PCDH11Y: variants seen among roughly 807,000 people sequenced by gnomAD.
PCDH11Y encodes protocadherin 11 Y-linked, also known as protocadherin-11 Y-linked.
For missense variants in PCDH11Y, 12 were observed against 224.8 expected, an observed-to-expected ratio of 0.05 and a Z score of 6.05; for synonymous variants, 9 against 83.6, an observed-to-expected ratio of 0.11 and a Z score of 4.87.
rs2053446322 is a variant in PCDH11Y at position 5,576,642 on chromosome Y, T to C, written c.3329-5133T>C. On this transcript the variant is annotated intron_variant, in intron 3 of 4. Transcript: ENST00000400457. ...TTAGCAAAAAGGAACAATTATATTC[T>C]ATTTCTCTTAAGGACTAAGTTAATT... Among the ~76,000 whole-genome samples, 44 of 33,631 alleles carry C rather than the reference T, an allele frequency of 1.3e-3. No individual in the cohort carries two copies. In the South Asian group the frequency reaches 0.029, roughly 22 times the overall value. 90.2% of individuals were successfully genotyped at this position (33,631 alleles called of 37,273 possible).
intron 4 of PCDH11Y, among the ~76,000 whole-genome samples, chrY:5,687,580 G>A: frequency 3.6e-5 from 1 of 27,662 alleles, no homozygotes; most frequent in South Asian, 9.4e-4. Flanking sequence ...CTCCAGCCTG[G>A]GCGACAGAGT....
At chrY:5,398,756 T>C (rs2053229572) in intron 2 of PCDH11Y, among the ~76,000 whole-genome samples, 4 of 34,076 alleles carry the variant, frequency 1.2e-4, no homozygotes, top group Non-Finnish European at 2.2e-4. Flanking sequence ...TTTAATCCAC[T>C]GTTAATCAGC....
At chrY:5,717,546 A>G (rs1602963558) in intron 4 of PCDH11Y, among the ~76,000 whole-genome samples, 1 of 34,094 alleles carries the variant, frequency 2.9e-5, no homozygotes, top group East Asian at 7.9e-4. Context: ...TAAAACTACA[A>G]TGAGATATCA....
intron 2 of PCDH11Y, among the ~76,000 whole-genome samples, chrY:5,477,595 C>T: frequency 6.4e-5 from 2 of 31,224 alleles, no homozygotes; most frequent in Non-Finnish European, 1.6e-4. Flanking sequence ...GTAGTGGTTC[C>T]TTTTTGTACC....
At chrY:5,373,784 GT>G (rs2053194962) in intron 2 of PCDH11Y, among the ~76,000 whole-genome samples, 1 of 28,422 alleles carries the variant, frequency 3.5e-5, no homozygotes, top group African/African-American at 1.4e-4. Flanking sequence ...ACACATAAAT[GT>G]TTTTTGGAGT....
At chrY:5,644,064 T>C in intron 4 of PCDH11Y, among the ~76,000 whole-genome samples, 1 of 32,877 alleles carries the variant, frequency 3.0e-5, no homozygotes, top group Non-Finnish European at 7.5e-5. Context: ...GTACAGGGCA[T>C]GTGCTTGTGT....
intron 4 of PCDH11Y, among the ~76,000 whole-genome samples, chrY:5,612,179 G>A: frequency 3.1e-5 from 1 of 32,518 alleles, no homozygotes; most frequent in South Asian, 7.0e-4. Flanking sequence ...GTTCCTATTC[G>A]GCCATCTTGG....
intron 1 of PCDH11Y, among the ~76,000 whole-genome samples, chrY:5,006,204 T>C (rs2052539119): frequency 3.5e-5 from 1 of 28,498 alleles, no homozygotes; most frequent in Non-Finnish European, 8.3e-5. Flanking sequence ...TGAAATTCTT[T>C]CTTATTTTTA....
intron 4 of PCDH11Y, among the ~76,000 whole-genome samples, chrY:5,619,142 T>C: frequency 3.1e-5 from 1 of 32,752 alleles, no homozygotes; most frequent in Non-Finnish European, 7.5e-5. Flanking sequence ...CTGGTCACTG[T>C]ACTGTAAATA....
intron 2 of PCDH11Y, among the ~76,000 whole-genome samples, chrY:5,236,090 T>C (rs2052974914): frequency 3.0e-5 from 1 of 33,840 alleles, no homozygotes; most frequent in Non-Finnish European, 7.3e-5. Context: ...CTTGACCAAC[T>C]GTCTTATTTC....
Position 5,565,979 on chromosome Y carries a change from GT to G in PCDH11Y, c.3329-15783del, listed in dbSNP as rs1470139323. 3.6e-4 allele frequency among the ~76,000 whole-genome samples: 7 copies of G among 19,496 alleles called. No individual in the cohort carries two copies. The East Asian group carries it at 3.7e-3, about 10-fold the overall frequency. 52.3% of individuals were successfully genotyped at this position (19,496 alleles called of 37,273 possible). A position where few individuals can be genotyped will look rare whatever the true frequency, so the allele number is the denominator to read the frequency against. On this transcript the variant is annotated intron_variant, in intron 3 of 4. Coordinates refer to the PCDH11Y transcript ENST00000400457. ...ATATATATAATATATATATATATAT[GT>G]TTTTTTTTTTTTGAGATGGAGTCTT...
intron 2 of PCDH11Y, among the ~76,000 whole-genome samples, chrY:5,348,884 C>G (rs2124669985): frequency 3.0e-5 from 1 of 32,832 alleles, no homozygotes; most frequent in African/African-American, 1.2e-4. Flanking sequence ...AATCCCAGCA[C>G]TTTGGCAGGC....
At chrY:5,530,514 T>A (rs1602938693) in intron 3 of PCDH11Y, among the ~76,000 whole-genome samples, 2 of 32,993 alleles carry the variant, frequency 6.1e-5, no homozygotes, top group Non-Finnish European at 1.5e-4. Context: ...TATTTTTTTT[T>A]ATTTCTGTTT....
chrY:5,127,347 A>G (rs2052826652), intron 2 of PCDH11Y, among the ~76,000 whole-genome samples: 1 of 31,951 alleles, frequency 3.1e-5, no homozygotes, highest in African/African-American at 1.2e-4. Context: ...CTGGGACTAC[A>G]GGTGTGCACC....
At chrY:5,472,360 G>A in intron 2 of PCDH11Y, among the ~76,000 whole-genome samples, 1 of 31,381 alleles carries the variant, frequency 3.2e-5, no homozygotes, top group Non-Finnish European at 7.8e-5. Flanking sequence ...ATATTTTGCT[G>A]TTTGGCTCCC....
At chrY:5,734,451 G>C in intron 4 of PCDH11Y, among the ~76,000 whole-genome samples, 1 of 33,342 alleles carries the variant, frequency 3.0e-5, no homozygotes, top group African/African-American at 1.2e-4. Flanking sequence ...AGCTGGCCTT[G>C]AATGAAAGTG....
intron 4 of PCDH11Y, among the ~76,000 whole-genome samples, chrY:5,621,277 A>C: frequency 1.2e-4 from 4 of 32,575 alleles, no homozygotes; most frequent in Admixed American, 8.5e-4. Flanking sequence ...CAAAATCATG[A>C]ATGAACTATC....
At chrY:5,600,773 T>C (rs2053472070) in intron 4 of PCDH11Y, among the ~76,000 whole-genome samples, 1 of 32,267 alleles carries the variant, frequency 3.1e-5, no homozygotes, top group African/African-American at 1.2e-4. Flanking sequence ...AATATTTAGG[T>C]TCATAAATAG....
At chrY:5,355,869 AAGTC>A (rs2053165389) in intron 2 of PCDH11Y, among the ~76,000 whole-genome samples, 1 of 33,908 alleles carries the variant, frequency 2.9e-5, no homozygotes, top group Admixed American at 2.7e-4. Context: ...TTACCTTTCA[AAGTC>A]CTAAAGTGAG....
Sources: gnomAD v4.1 joint callset for allele counts (sites outside exome capture counted in the v4.1 genomes callset) on GRCh38, gnomAD v4.1.1 for gene constraint, MANE v1.5 for transcripts, NCBI Gene and HGNC (gene_info 2026-07-23, HGNC 2026-07-21) for gene names.